Variants in MYO3A observed in about 807,000 individuals in gnomAD.
The protein encoded by MYO3A is myosin IIIA.
A neutral mutation model predicts 192.7 loss-of-function variants in MYO3A; 180 were observed. The ratio of observed to expected loss-of-function variants is 0.93; its 90% CI spans 0.83 to 1.06. The LOEUF is 1.06. Ranked by LOEUF, MYO3A falls within the 50% of genes least tolerant of loss-of-function variation. The pLI is 0.00. For synonymous variants in MYO3A, 628 were observed against 645.3 expected, an observed-to-expected ratio of 0.97 and a Z score of 0.41; for missense variants, 1,896 against 1,905.0, an observed-to-expected ratio of 1.00 and a Z score of 0.09.
intron 10 of MYO3A, among the ~76,000 whole-genome samples, chr10:26,032,837 G>T (rs1015596006): frequency 6.6e-6 from 1 of 152,056 alleles, no homozygotes; most frequent in Non-Finnish European, 1.5e-5. Context: ...CTATTTTCTG[G>T]GCAAGATAAT....
At chr10:26,033,246 G>C (rs1170765738) in intron 10 of MYO3A, among the ~76,000 whole-genome samples, 2 of 151,860 alleles carry the variant, frequency 1.3e-5, no homozygotes, top group Non-Finnish European at 2.9e-5. Context: ...GCTAATTTTT[G>C]TATTTTGTTT....
intron 10 of MYO3A, among the ~76,000 whole-genome samples, chr10:26,058,920 A>C (rs758924497): frequency 7.7e-6 from 1 of 130,286 alleles, no homozygotes; most frequent in Non-Finnish European, 1.8e-5. Context: ...TGTTAGATTT[A>C]TACTTAAGTA....
intron 10 of MYO3A, among the ~76,000 whole-genome samples, chr10:26,029,510 CA>C (rs1171946919): frequency 6.6e-6 from 1 of 152,262 alleles, no homozygotes; most frequent in East Asian, 1.9e-4. Context: ...CTAATTTTCT[CA>C]TAGAACTGGG....
At chr10:26,104,097 A>G (rs571993706) in intron 17 of MYO3A, among the ~76,000 whole-genome samples, 1 of 147,198 alleles carries the variant, frequency 6.8e-6, no homozygotes, top group Non-Finnish European at 1.5e-5. Flanking sequence ...CTAGCCCCTT[A>G]TCAGATGTCT....
chr10:26,088,289 C>A lies in MYO3A; in HGVS notation c.1446C>A (p.Asp482Glu). Residue 482 changes from aspartate (D) to glutamate (E), a missense_variant, in exon 15 of 35, where the codon GAC becomes GAA. Coordinates refer to ENST00000642920, the MANE Select transcript of MYO3A (RefSeq NM_017433.5). The part of the protein sequence containing the change: ...AFGNACTIIN[D>E]NSSRFGKYLE... ...GCAATGCCTGCACTATTATAAATGACAATTCTAGCAGATTTGGAAAATACT... is the reference window on the plus strand; with the variant it reads ...GCAATGCCTGCACTATTATAAATGAAAATTCTAGCAGATTTGGAAAATACT... 1 of 1,613,718 alleles carries A rather than the reference C, an allele frequency of 6.2e-7. No individual in the cohort carries two copies. Among genetic ancestry groups the A allele is most frequent in the South Asian group, 1.1e-5 (1 of 91,072 alleles).
chr10:25,993,590 G>T (rs569768121), intron 4 of MYO3A, among the ~76,000 whole-genome samples: 86 of 152,050 alleles, frequency 5.7e-4, no homozygotes, highest in African/African-American at 1.9e-3. Context: ...CTCTAGTTCT[G>T]TTAATTGTGA....
At chr10:25,934,827 C>A (rs962156185) in intron 1 of MYO3A, among the ~76,000 whole-genome samples, 1 of 150,874 alleles carries the variant, frequency 6.6e-6, no homozygotes, top group Non-Finnish European at 1.5e-5. Context: ...GAGGGGTGAA[C>A]GTGAAGTGGA....
intron 10 of MYO3A, among the ~76,000 whole-genome samples, chr10:26,059,601 T>C (rs35158540): frequency 0.47 from 71,951 of 152,174 alleles, 17,866 homozygotes; most frequent in Middle Eastern, 0.59. Flanking sequence ...AAGAACTGTA[T>C]CCACTGTTCC....
At chr10:26,080,889 G>A (rs938646556) in intron 14 of MYO3A, among the ~76,000 whole-genome samples, 2 of 152,142 alleles carry the variant, frequency 1.3e-5, no homozygotes, top group African/African-American at 4.8e-5. Flanking sequence ...TCCACACAGA[G>A]TCCTGTGATG....
chr10:26,069,776 C>T (rs1835081325), intron 12 of MYO3A, among the ~76,000 whole-genome samples: 1 of 151,894 alleles, frequency 6.6e-6, no homozygotes, highest in Non-Finnish European at 1.5e-5. Flanking sequence ...AAACTGAAAC[C>T]CGATCGTCTT....
At chr10:26,013,129 A>G (rs79815063) in intron 6 of MYO3A, among the ~76,000 whole-genome samples, 1,852 of 152,264 alleles carry the variant, frequency 0.012, 50 homozygotes, top group African/African-American at 0.042. Flanking sequence ...GCAACTCACG[A>G]TGGATCAAAG....
At chr10:25,949,770 G>C (rs542193906) in intron 2 of MYO3A, among the ~76,000 whole-genome samples, 1 of 151,688 alleles carries the variant, frequency 6.6e-6, no homozygotes, top group South Asian at 2.1e-4. Context: ...ACCTTATTTC[G>C]CTTCCTAACT....
chr10:26,174,806 A>G (rs994308638), intron 30 of MYO3A, among the ~76,000 whole-genome samples: 1 of 152,216 alleles, frequency 6.6e-6, no homozygotes, highest in Admixed American at 6.5e-5. Context: ...AGATTGGTTT[A>G]TACAGCTTAC....
chr10:26,084,829 T>A (rs2131487562), intron 14 of MYO3A, among the ~76,000 whole-genome samples: 1 of 152,384 alleles, frequency 6.6e-6, no homozygotes, highest in African/African-American at 2.4e-5. Context: ...TAGAAGAGTT[T>A]AAGAAGTATT....
chr10:25,935,688 C>G (rs1184160709), intron 1 of MYO3A, 56 bp from the exon 2 acceptor site: 2 of 152,308 alleles, frequency 1.3e-5, no homozygotes, highest in Middle Eastern at 3.4e-3. Context: ...ATTATTTTCC[C>G]CAGATCCTGA....
intron 17 of MYO3A, among the ~76,000 whole-genome samples, chr10:26,116,048 A>C (rs1156390791): frequency 6.6e-6 from 1 of 152,214 alleles, no homozygotes; most frequent in Admixed American, 6.5e-5. Context: ...TTTAAGAATA[A>C]ACACACTGAT....
chr10:26,070,807 A>G (rs888768402), intron 14 of MYO3A, among the ~76,000 whole-genome samples: 4 of 151,488 alleles, frequency 2.6e-5, no homozygotes, highest in African/African-American at 9.7e-5. Flanking sequence ...AGTGCCATTA[A>G]CAATAAAATC....
rs139543086 is a variant in MYO3A, at chr10:26,147,667, C to A, written c.2635+108C>A. ...TTAATTTTTCATGTGAGTTTGTTTT[C>A]GGCTCACTAAATATTCATTTGTTAA... On this transcript the variant is annotated intron_variant, in intron 23 of 34. Coordinates refer to ENST00000642920, the MANE Select transcript of MYO3A (RefSeq NM_017433.5). 7.3e-6 allele frequency: 11 copies of A among 1,501,824 alleles called. No homozygotes were observed. In the South Asian group the frequency reaches 1.3e-4, roughly 17 times the overall value. The allele number at this position is 1,501,824 out of a possible 1,614,324, so 93.0% of individuals were successfully genotyped here.
chr10:26,135,663 T>C (rs1159435397), intron 20 of MYO3A, among the ~76,000 whole-genome samples: 2 of 151,966 alleles, frequency 1.3e-5, no homozygotes, highest in Non-Finnish European at 2.9e-5. Flanking sequence ...GCAGAGAGCA[T>C]CTTTGCCATG....
Sources: allele counts gnomAD v4.1 joint callset (sites outside exome capture counted in the v4.1 genomes callset), GRCh38; gene constraint gnomAD v4.1.1; transcripts MANE v1.5; gene names NCBI Gene and HGNC (gene_info 2026-07-23, HGNC 2026-07-21).